The following LRRC40 variants were observed in gnomAD, a reference collection of about 807,000 sequenced individuals.
The protein encoded by LRRC40 is leucine-rich repeat-containing protein 40.
A neutral mutation model predicts 72.8 loss-of-function variants in LRRC40; 76 were observed. The ratio of observed to expected loss-of-function variants is 1.04; its 90% CI spans 0.87 to 1.26. The LOEUF (loss-of-function observed/expected upper bound fraction) is 1.26, where lower values mean the gene tolerates loss of function less well. LRRC40 is among the 50% of genes most tolerant of loss of function. LRRC40 has a pLI of 0.00. For missense variants in LRRC40, 684 were observed against 698.9 expected, an observed-to-expected ratio of 0.98 and a Z score of 0.24; for synonymous variants, 243 against 254.2, an observed-to-expected ratio of 0.96 and a Z score of 0.42.
At chr1:70,173,276 T>C (rs1001020023) in intron 9 of LRRC40, among the ~76,000 whole-genome samples, 189 bp downstream of exon 9, 1 of 152,044 alleles carries the variant, frequency 6.6e-6, no homozygotes, top group Non-Finnish European at 1.5e-5. Flanking sequence ...ACATTATTAT[T>C]GTGAGTTTAA....
chr1:70,189,045 T>C (rs990428122), intron 2 of LRRC40, 47 bp downstream of exon 2: 15 of 1,525,380 alleles, frequency 9.8e-6, no homozygotes, highest in African/African-American at 1.4e-5. Flanking sequence ...AATTTAGCTT[T>C]AGAGTCTCTT....
intron 1 of LRRC40, among the ~76,000 whole-genome samples, chr1:70,204,640 A>T (rs1330063634): frequency 6.6e-6 from 1 of 152,128 alleles, no homozygotes; most frequent in Non-Finnish European, 1.5e-5. Flanking sequence ...GGAAGGTTTT[A>T]ATCAGTCTTA....
chr1:70,193,726 C>A (rs1164849304), intron 1 of LRRC40, among the ~76,000 whole-genome samples: 2 of 151,924 alleles, frequency 1.3e-5, no homozygotes, highest in Admixed American at 1.3e-4. Flanking sequence ...ACAAATTTTG[C>A]AACTCTATAT....
chr1:70,200,839 G>C (rs1178755726), intron 1 of LRRC40, among the ~76,000 whole-genome samples: 1 of 152,180 alleles, frequency 6.6e-6, no homozygotes, highest in Non-Finnish European at 1.5e-5. Context: ...AAGAGAGAGA[G>C]CAAGGGAGAA....
chr1:70,175,973 C>A lies in LRRC40; in HGVS notation c.814G>T (p.Val272Leu). Residue 272 changes from valine (V) to leucine (L), a missense_variant, in exon 7 of 15, where the codon GTA (valine) becomes TTA (leucine). Physicochemically the swap from Val to Leu is conservative, Grantham distance 32. Transcript: ENST00000370952. Reference protein sequence around the residue: ...PSCSLLKELHVGENQIEMLEA... With the variant: ...PSCSLLKELHLGENQIEMLEA... ...AACATTTCAATCTGGTTTTCACCTA[C>A]GTGCAATTCCTACAAAATCAAAGAT... 1 of 1,551,180 alleles carries A rather than the reference C, an allele frequency of 6.4e-7. No individual in the cohort carries two copies.
intron 1 of LRRC40, 52 bp from the exon 2 acceptor site, chr1:70,189,325 A>C (rs1229127427): frequency 7.5e-7 from 1 of 1,332,016 alleles, no homozygotes; most frequent in East Asian, 2.4e-5. Flanking sequence ...AAAAAGATGA[A>C]AACCAGAACT....
intron 9 of LRRC40, among the ~76,000 whole-genome samples, chr1:70,160,961 CAACG>C (rs1667744927): frequency 6.6e-6 from 1 of 150,908 alleles, no homozygotes; most frequent in South Asian, 2.1e-4. Flanking sequence ...CAAACAATGG[CAACG>C]AATAGAAGAT....
At chr1:70,187,112 GAATT>G (rs1158680314) in intron 3 of LRRC40, among the ~76,000 whole-genome samples, 149 bp downstream of exon 3, 1 of 151,394 alleles carries the variant, frequency 6.6e-6, no homozygotes, top group Admixed American at 6.6e-5. Context: ...TACAAACTAA[GAATT>G]AAAGCTTTAA....
chr1:70,184,972 C>CA, intron 3 of LRRC40, 58 bp from the exon 4 acceptor site: 1 of 1,418,078 alleles, frequency 7.1e-7, no homozygotes, highest in East Asian at 2.3e-5. Flanking sequence ...AAATATTTAT[C>CA]AAAGACATTT....
intron 1 of LRRC40, among the ~76,000 whole-genome samples, chr1:70,193,300 A>C (rs531899766): frequency 2.0e-5 from 3 of 152,178 alleles, no homozygotes; most frequent in Admixed American, 2.0e-4. Context: ...CAAAGTGAGA[A>C]TGTCATAGAT....
chr1:70,182,682 A>G lies in LRRC40; in HGVS notation c.538-1473T>C, dbSNP rs544972283. On this transcript the variant is annotated intron_variant, in intron 4 of 14. Transcript: ENST00000370952. Reference sequence around the variant, plus strand: ...TAGATATAAAACATAAATACACTATATAAATTAATCCATATTTATGCCAAG... The same window carrying G: ...TAGATATAAAACATAAATACACTATGTAAATTAATCCATATTTATGCCAAG... Among the ~76,000 whole-genome samples the G allele has an allele frequency of 2.0e-5, 3 of 152,192 alleles. 1 individual carries two copies. Among genetic ancestry groups the G allele is most frequent in the African/African-American group, 4.8e-5 (2 of 41,590 alleles).
At chr1:70,175,396 C>T (rs1436975066) in intron 7 of LRRC40, among the ~76,000 whole-genome samples, 4 of 152,098 alleles carry the variant, frequency 2.6e-5, no homozygotes, top group Non-Finnish European at 4.4e-5. Flanking sequence ...GATTCATTAG[C>T]GTCCCAGAAT....
chr1:70,194,952 A>G (rs1165585012), intron 1 of LRRC40, among the ~76,000 whole-genome samples: 1 of 152,164 alleles, frequency 6.6e-6, no homozygotes, highest in African/African-American at 2.4e-5. Context: ...AGGTGCCAAT[A>G]TAATTTAATA....
intron 9 of LRRC40, among the ~76,000 whole-genome samples, chr1:70,159,789 G>C (rs1346932210): frequency 2.6e-5 from 4 of 152,092 alleles, no homozygotes; most frequent in African/African-American, 9.7e-5. Flanking sequence ...GAAGAAATTT[G>C]TTAATGAAAG....
At chr1:70,174,024 A>G (rs1668052210) in intron 7 of LRRC40, among the ~76,000 whole-genome samples, 1 of 152,072 alleles carries the variant, frequency 6.6e-6, no homozygotes, top group African/African-American at 2.4e-5. Flanking sequence ...TTCAAGATAG[A>G]CATCCTCACT....
chr1:70,205,306 A>C, intron 1 of LRRC40, 84 bp downstream of exon 1: 1 of 1,346,772 alleles, frequency 7.4e-7, no homozygotes, highest in Non-Finnish European at 1.0e-6. Context: ...AAGGGGGCCA[A>C]AGCCAGCCCA....
At position 70,184,899 on chromosome 1, in the gene LRRC40, T is replaced by G; in HGVS notation, c.423A>C (p.Lys141Asn). ...GGTTTGTAATTTCTTCAGGGAGTAT[T>G]TTCAGTTTATTATGGCTATTGGTTG... ...QKLNVSHNKL[K>N]ILPEEITNLR... Residue 141 changes from lysine (K) to asparagine (N), a missense_variant, in exon 4 of 15, where the codon AAA becomes AAC. Transcript: ENST00000370952. The G allele has an allele frequency of 6.2e-7, 1 of 1,602,378 alleles. No homozygotes were observed. The highest frequency in any genetic ancestry group is 8.5e-7 in the Non-Finnish European group (1 of 1,170,650).
intron 3 of LRRC40, among the ~76,000 whole-genome samples, chr1:70,185,391 A>C (rs1407743595): frequency 6.6e-6 from 1 of 152,152 alleles, no homozygotes; most frequent in Non-Finnish European, 1.5e-5. Flanking sequence ...CGTGGTAGTG[A>C]ATAAGTCTCA....
chr1:70,154,012 A>G (rs991829558), intron 11 of LRRC40, among the ~76,000 whole-genome samples: 14 of 151,362 alleles, frequency 9.2e-5, no homozygotes, highest in Admixed American at 5.3e-4. Context: ...AATTGCATGT[A>G]TAACTCCAAA....
Sources: allele counts gnomAD v4.1 joint callset (sites outside exome capture counted in the v4.1 genomes callset), GRCh38; gene constraint gnomAD v4.1.1; transcripts MANE v1.5; gene names NCBI Gene and HGNC (gene_info 2026-07-23, HGNC 2026-07-21).